RGP1: variants seen among roughly 807,000 people sequenced by gnomAD.
RGP1 encodes RAB6A-GEF complex partner protein 2.
In RGP1, 28 loss-of-function variants were observed where a neutral mutation model predicts 44.5. The ratio of observed to expected loss-of-function variants is 0.63; its 90% CI spans 0.47 to 0.86. The LOEUF (loss-of-function observed/expected upper bound fraction) is 0.86, where lower values mean the gene tolerates loss of function less well. Among genes scored for constraint, RGP1 ranks in the 40% least tolerant of loss-of-function variants. RGP1 has a pLI of 0.00. For missense variants in RGP1, 417 were observed against 490.7 expected (o/e 0.85, Z 1.42); for synonymous variants, 212 against 196.7 (o/e 1.08, Z -0.65).
downstream of RGP1, among the ~76,000 whole-genome samples, chr9:35,761,661 A>G (rs1827417505): frequency 6.6e-6 from 1 of 152,092 alleles, no homozygotes; most frequent in African/African-American, 2.4e-5. Context: ...GTGACAGAGC[A>G]AGACCCTGTC....
the RGP1 span, among the ~76,000 whole-genome samples, chr9:35,776,759 G>A: frequency 2.6e-5 from 4 of 151,886 alleles, no homozygotes; most frequent in African/African-American, 9.7e-5. Context: ...ACTTTGGGAG[G>A]CCAAGGTGAG....
rs1232995197 is a variant in RGP1 at position 35,755,623 on chromosome 9, G to C, written c.*2749G>C. The C allele has an allele frequency of 4.6e-5, 7 of 152,218 alleles. No individual in the cohort carries two copies. The allele number at this position is 152,218 out of a possible 1,614,324, so 9.4% of individuals were successfully genotyped here. On this transcript the variant is annotated 3_prime_UTR_variant, in exon 9 of 9. Transcript: ENST00000378078. Reference sequence around the variant, plus strand: ...ATTCTCATAAGGAGTGTGCAATCTAGATCCCTTGCATGCGGAGTTCACAGT... The same window carrying C: ...ATTCTCATAAGGAGTGTGCAATCTACATCCCTTGCATGCGGAGTTCACAGT...
downstream of RGP1, among the ~76,000 whole-genome samples, chr9:35,759,369 A>T (rs1827397571): frequency 6.6e-6 from 1 of 152,048 alleles, no homozygotes; most frequent in South Asian, 2.1e-4. Flanking sequence ...GTTTGAGACC[A>T]GCCTGGCCAA....
intron 3 of RGP1, 116 bp from the exon 4 acceptor site, chr9:35,750,542 C>A: frequency 7.6e-7 from 1 of 1,321,700 alleles, no homozygotes; most frequent in East Asian, 2.4e-5. Context: ...AAGACTATTC[C>A]CATTTCACAG....
At chr9:35,786,243 C>T in the RGP1 span, among the ~76,000 whole-genome samples, 5 of 152,186 alleles carry the variant, frequency 3.3e-5, no homozygotes, top group Non-Finnish European at 7.3e-5. Flanking sequence ...AAGGGGACAC[C>T]TTTCCCTCTT....
At chr9:35,752,555 C>T in intron 8 of RGP1, 96 bp from the exon 9 acceptor site, 1 of 1,107,830 alleles carries the variant, frequency 9.0e-7, no homozygotes, top group Non-Finnish European at 1.3e-6. Context: ...TTCCTGAACA[C>T]AGATTGTTTT....
At chr9:35,764,528 T>C in the RGP1 span, among the ~76,000 whole-genome samples, 2 of 152,246 alleles carry the variant, frequency 1.3e-5, no homozygotes, top group African/African-American at 4.8e-5. Flanking sequence ...ATAATTTATA[T>C]ACAGGAAGAT....
chr9:35,753,385 C>A lies in RGP1; in HGVS notation c.*511C>A. On this transcript the variant is annotated 3_prime_UTR_variant, in exon 9 of 9. Transcript: ENST00000378078. This position sits in a 1 kb window ranked among gnomAD's most constrained non-coding sequence, Gnocchi z 4.2. ...AGTTTTCCCCCCACAGAGCCCCTTT[C>A]AGTGGCCCCTTGGTCCTCCTAACTA... 7.7e-7 allele frequency: 1 copy of A among 1,291,964 alleles called. No individual in the cohort carries two copies. Among genetic ancestry groups the A allele is most frequent in the Non-Finnish European group, 1.1e-6 (1 of 939,390 alleles). 80.0% of individuals were successfully genotyped at this position (1,291,964 alleles called of 1,614,324 possible). A position where few individuals can be genotyped will look rare whatever the true frequency, so the allele number is the denominator to read the frequency against.
In RGP1 at chr9:35,750,622, A is replaced by G. The variant is rs1033091109; in HGVS notation, c.254-36A>G. ...TGCTAGTCTTGTTCAGTACTGGACA[A>G]TGGGTCATTAAATTAGTCATTTTTA... On this transcript the variant is annotated intron_variant, in intron 3 of 8. Transcript: ENST00000378078. 9 of 1,602,942 alleles carry G rather than the reference A, an allele frequency of 5.6e-6. No individual in the cohort carries two copies. The African/African-American group carries it at 1.1e-4, about 19-fold the overall frequency.
At chr9:35,768,062 A>G in the RGP1 span, among the ~76,000 whole-genome samples, 1 of 151,302 alleles carries the variant, frequency 6.6e-6, no homozygotes, top group Non-Finnish European at 1.5e-5. Flanking sequence ...CAGCCTCCCA[A>G]ATTGCTGGGG....
chr9:35,785,041 T>G, the RGP1 span, among the ~76,000 whole-genome samples: 5 of 152,224 alleles, frequency 3.3e-5, no homozygotes, highest in African/African-American at 1.2e-4. Flanking sequence ...ATACTTGATT[T>G]ATATATCCTT....
Position 35,752,889 on chromosome 9 carries a change from G to T in RGP1, c.*15G>T, listed in dbSNP as rs775091270. ...TAACCATCTGAAACTGGCCCACCCT[G>T]GTGCTAGTTCCTTCCGGATACTGAG... On this transcript the variant is annotated 3_prime_UTR_variant, in exon 9 of 9. Coordinates refer to ENST00000378078, the MANE Select transcript of RGP1 (RefSeq NM_001080496.3). 1.5e-5 allele frequency: 24 copies of T among 1,610,540 alleles called. No individual in the cohort carries two copies. The South Asian group carries it at 2.2e-4, about 15-fold the overall frequency.
chr9:35,769,051 G>C, the RGP1 span, among the ~76,000 whole-genome samples: 2 of 152,234 alleles, frequency 1.3e-5, no homozygotes, highest in East Asian at 3.8e-4. Context: ...CCTGTTTACT[G>C]TGTCCAGGAG....
chr9:35,757,169 C>G lies in RGP1; in HGVS notation c.*4295C>G, dbSNP rs901956701. 1.3e-5 allele frequency: 2 copies of G among 152,248 alleles called. No homozygotes were observed. Among genetic ancestry groups the G allele is most frequent in the African/African-American group, 2.4e-5 (1 of 41,444 alleles). 9.4% of individuals were successfully genotyped at this position (152,248 alleles called of 1,614,324 possible). On this transcript the variant is annotated 3_prime_UTR_variant, in exon 9 of 9. Transcript: ENST00000378078. Reference sequence around the variant, plus strand: ...AGGAAGTGAGAGCATTCCGGCCCCCCCACCCCAACCCCGGCCGCTGGCCCT... The same window carrying G: ...AGGAAGTGAGAGCATTCCGGCCCCCGCACCCCAACCCCGGCCGCTGGCCCT...
the RGP1 span, among the ~76,000 whole-genome samples, chr9:35,775,924 C>A: frequency 6.6e-6 from 1 of 152,172 alleles, no homozygotes; most frequent in African/African-American, 2.4e-5. Context: ...GGTGCTTTTA[C>A]ATTTATTGTT....
chr9:35,750,408 G>C (rs574670118), intron 3 of RGP1, 29 bp downstream of exon 3: 2 of 1,612,384 alleles, frequency 1.2e-6, no homozygotes, highest in Non-Finnish European at 8.5e-7. Flanking sequence ...CCTGGGAGAG[G>C]GGGGGTGCGG....
At chr9:35,781,378 G>C in the RGP1 span, among the ~76,000 whole-genome samples, 1 of 133,340 alleles carries the variant, frequency 7.5e-6, no homozygotes, top group Non-Finnish European at 1.6e-5. Context: ...GGTCCGTGGT[G>C]GGTGCGCAGG....
At chr9:35,790,035 A>G in the RGP1 span, 3 of 153,742 alleles carry the variant, frequency 2.0e-5, no homozygotes. Flanking sequence ...CTTGTCTCAT[A>G]AAACAATGTG....
At chr9:35,752,534 T>C in intron 8 of RGP1, 117 bp from the exon 9 acceptor site, 1 of 947,286 alleles carries the variant, frequency 1.1e-6, no homozygotes, top group Middle Eastern at 2.2e-4. Flanking sequence ...GCCCTGTGAC[T>C]TTTCCCTGTC....
Sources: gnomAD v4.1 joint callset for allele counts (sites outside exome capture counted in the v4.1 genomes callset) on GRCh38, gnomAD v4.1.1 for gene constraint, Gnocchi (gnomAD v3.1) non-coding constraint, MANE v1.5 for transcripts, NCBI Gene and HGNC (gene_info 2026-07-23, HGNC 2026-07-21) for gene names.